Variants in CACNA2D3 observed in about 807,000 individuals in gnomAD.
The protein encoded by CACNA2D3 is voltage-dependent calcium channel subunit alpha-2/delta-3.
In CACNA2D3, 60 loss-of-function variants were observed where a neutral mutation model predicts 160.6. That is an observed-to-expected ratio of 0.37 (90% CI 0.30 to 0.46). The LOEUF is 0.46. CACNA2D3 is among the 20% of genes least tolerant of loss of function. CACNA2D3 has a pLI of 1.00. For synonymous variants in CACNA2D3, 558 were observed against 492.9 expected, an observed-to-expected ratio of 1.13 and a Z score of -1.75; for missense variants, 1,205 against 1,365.0, an observed-to-expected ratio of 0.88 and a Z score of 1.85.
intron 27 of CACNA2D3, among the ~76,000 whole-genome samples, chr3:54,915,798 G>A (rs2106916600): frequency 6.6e-6 from 1 of 152,296 alleles, no homozygotes; most frequent in Admixed American, 6.5e-5. Flanking sequence ...GCTGTTTGTG[G>A]TGACTGTAGG....
At chr3:54,739,690 T>G (rs1346749107) in intron 11 of CACNA2D3, among the ~76,000 whole-genome samples, 1 of 151,500 alleles carries the variant, frequency 6.6e-6, no homozygotes, top group Non-Finnish European at 1.5e-5. Context: ...GAAACCAAGC[T>G]CTTTGTGGGG....
intron 14 of CACNA2D3, among the ~76,000 whole-genome samples, chr3:54,821,779 A>G (rs1703609650): frequency 6.7e-6 from 1 of 150,304 alleles, no homozygotes; most frequent in Non-Finnish European, 1.5e-5. Context: ...AAATTTGTAC[A>G]AGTAGAATTT....
chr3:54,339,576 G>A (rs1423205673), intron 3 of CACNA2D3, among the ~76,000 whole-genome samples: 1 of 152,148 alleles, frequency 6.6e-6, no homozygotes, highest in South Asian at 2.1e-4. Flanking sequence ...TGTGTGTTTA[G>A]TTCACCCAGG....
intron 3 of CACNA2D3, among the ~76,000 whole-genome samples, chr3:54,353,953 C>T (rs1422487413): frequency 6.6e-6 from 1 of 152,128 alleles, no homozygotes; most frequent in East Asian, 1.9e-4. Flanking sequence ...CATGTTTGCC[C>T]GAGATTCCCA....
At chr3:54,915,096 G>A (rs116602016) in intron 27 of CACNA2D3, among the ~76,000 whole-genome samples, 2,352 of 152,214 alleles carry the variant, frequency 0.015, 68 homozygotes, top group African/African-American at 0.054. Flanking sequence ...TCACTTTTTA[G>A]TCTTGCCATT....
At chr3:54,709,159 A>G (rs1700909649) in intron 11 of CACNA2D3, among the ~76,000 whole-genome samples, 2 of 150,966 alleles carry the variant, frequency 1.3e-5, no homozygotes, top group African/African-American at 4.9e-5. Flanking sequence ...ACAGGTGCAC[A>G]CCACCATGCC....
chr3:54,403,455 A>C (rs1446164388), intron 4 of CACNA2D3, among the ~76,000 whole-genome samples: 1 of 152,004 alleles, frequency 6.6e-6, no homozygotes, highest in Non-Finnish European at 1.5e-5. Flanking sequence ...ACATACCAAA[A>C]CCTATGGGAT....
At chr3:54,464,982 A>G (rs1700593402) in intron 4 of CACNA2D3, among the ~76,000 whole-genome samples, 1 of 151,876 alleles carries the variant, frequency 6.6e-6, no homozygotes, top group East Asian at 1.9e-4. Flanking sequence ...TAATGTGAAC[A>G]TTTGTTCACT....
chr3:54,512,367 G>A (rs1218908988), intron 5 of CACNA2D3, among the ~76,000 whole-genome samples: 5 of 152,180 alleles, frequency 3.3e-5, no homozygotes, highest in Admixed American at 2.0e-4. Flanking sequence ...ATGAAACAAC[G>A]GATATTAAGC....
chr3:54,758,619 C>T, intron 12 of CACNA2D3, among the ~76,000 whole-genome samples: 1 of 152,072 alleles, frequency 6.6e-6, no homozygotes, highest in Non-Finnish European at 1.5e-5. Context: ...AGGAAGATGA[C>T]ACAGAACACA....
intron 2 of CACNA2D3, among the ~76,000 whole-genome samples, chr3:54,304,898 C>T (rs539571019): frequency 1.3e-5 from 2 of 151,926 alleles, no homozygotes; most frequent in African/African-American, 2.4e-5. Context: ...GTGGTTCCTC[C>T]GAGCATCTTT....
At chr3:54,175,951 A>T (rs1030333812) in intron 2 of CACNA2D3, among the ~76,000 whole-genome samples, 1 of 152,180 alleles carries the variant, frequency 6.6e-6, no homozygotes, top group Non-Finnish European at 1.5e-5. Flanking sequence ...GTGTTGGCAG[A>T]CTTTAGTCTT....
At chr3:54,964,518 C>T (rs570137131) in intron 27 of CACNA2D3, among the ~76,000 whole-genome samples, 1 of 152,056 alleles carries the variant, frequency 6.6e-6, no homozygotes, top group Non-Finnish European at 1.5e-5. Flanking sequence ...TATACTGTTA[C>T]TGCTTGAAAT....
intron 11 of CACNA2D3, among the ~76,000 whole-genome samples, chr3:54,643,487 G>T (rs761923428): frequency 2.0e-5 from 3 of 152,154 alleles, no homozygotes; most frequent in East Asian, 1.9e-4. Flanking sequence ...AAAAGCTGGC[G>T]GTGCTGAGCT....
At chr3:55,045,284 A>C (rs558874045) in intron 35 of CACNA2D3, among the ~76,000 whole-genome samples, 1 of 152,262 alleles carries the variant, frequency 6.6e-6, no homozygotes, top group African/African-American at 2.4e-5. Context: ...TCCTGACCTC[A>C]GGTGATCCAC....
At chr3:54,241,238 C>T (rs965667306) in intron 2 of CACNA2D3, among the ~76,000 whole-genome samples, 2 of 152,164 alleles carry the variant, frequency 1.3e-5, no homozygotes, top group Non-Finnish European at 2.9e-5. Context: ...CAGTGCTGGC[C>T]TGCACAGGGC....
chr3:54,499,910 T>C (rs76558635), intron 4 of CACNA2D3, among the ~76,000 whole-genome samples: 14,540 of 152,178 alleles, frequency 0.096, 931 homozygotes, highest in Non-Finnish European at 0.14. Flanking sequence ...TTAGATCCAA[T>C]TGATGGTATT....
chr3:54,231,788 T>C (rs1265974138), intron 2 of CACNA2D3, among the ~76,000 whole-genome samples: 2 of 152,180 alleles, frequency 1.3e-5, no homozygotes, highest in Non-Finnish European at 2.9e-5. Flanking sequence ...ATTGGTTTCA[T>C]GTTCGTCATA....
chr3:54,409,366 G>C (rs967110861), intron 4 of CACNA2D3, among the ~76,000 whole-genome samples: 2 of 152,140 alleles, frequency 1.3e-5, no homozygotes, highest in African/African-American at 2.4e-5. Context: ...GATAAATATT[G>C]CATGTGTTGG....
Sources: gnomAD v4.1 joint callset for allele counts (sites outside exome capture counted in the v4.1 genomes callset) on GRCh38, gnomAD v4.1.1 for gene constraint, MANE v1.5 for transcripts, NCBI Gene and HGNC (gene_info 2026-07-23, HGNC 2026-07-21) for gene names.